WRN: variants seen among roughly 807,000 people sequenced by gnomAD.
WRN encodes the protein WRN RecQ like helicase.
Under a neutral mutation model 180.7 loss-of-function variants are expected in WRN, and 149 were observed. That is an observed-to-expected ratio of 0.82 (90% CI 0.72 to 0.94). The LOEUF is 0.94. WRN is among the 40% of genes least tolerant of loss of function. WRN has a pLI of 0.00. For missense variants in WRN, 1,661 were observed against 1,700.1 expected (o/e 0.98, Z 0.40); for synonymous variants, 548 against 568.9 (o/e 0.96, Z 0.52).
At chr8:31,143,472 A>AT (rs1284549826) in intron 27 of WRN, 78 bp from the exon 28 acceptor site, 2 of 1,007,038 alleles carry the variant, frequency 2.0e-6, no homozygotes, top group Admixed American at 2.2e-5. Flanking sequence ...TGATTTTGAG[A>AT]TTTTTGTTTC....
At position 31,173,918 on chromosome 8, in the gene WRN, C is replaced by CT. The variant is rs1300832103; in HGVS notation, c.*819dup. ...AGTTGGGTAAACGATGATTATTTAA[C>CT]TTTAAGCAGTTCACCATCCATTTCA... On this transcript the variant is annotated 3_prime_UTR_variant, in exon 35 of 35. Transcript: ENST00000298139. 2 of 152,172 alleles carry CT rather than the reference C, an allele frequency of 1.3e-5. No homozygotes were observed. The highest frequency in any genetic ancestry group is 2.9e-5 in the Non-Finnish European group (2 of 68,036). 9.4% of individuals were successfully genotyped at this position (152,172 alleles called of 1,614,324 possible). A position where few individuals can be genotyped will look rare whatever the true frequency, so the allele number is the denominator to read the frequency against.
Position 31,166,034 on chromosome 8 carries a change from TTTTTG to T in WRN, c.3983-968_3983-964del, listed in dbSNP as rs569639841. On this transcript the variant is annotated intron_variant, in intron 33 of 34. Transcript: ENST00000298139. ...TAGCTGTGTAACTTTCTCTTCCTGTTTTTTGTTTTGTTTTGTTTTGTTTTTTGCTT... is the reference window on the plus strand; with the variant it reads ...TAGCTGTGTAACTTTCTCTTCCTGTTTTTTGTTTTGTTTTGTTTTTTGCTT... 5.9e-5 allele frequency among the ~76,000 whole-genome samples: 9 copies of T among 152,234 alleles called. No homozygotes were observed. In the East Asian group the frequency reaches 1.2e-3, roughly 20 times the overall value.
chr8:31,070,906 T>G (rs1279276241), intron 7 of WRN, among the ~76,000 whole-genome samples: 1 of 151,834 alleles, frequency 6.6e-6, no homozygotes, highest in Non-Finnish European at 1.5e-5. Flanking sequence ...ATTAGCTGAG[T>G]GTGGTGACGG....
chr8:31,064,433 AGGT>A lies in WRN; in HGVS notation c.355_355+2del. ...ACTTGTTCCACGTTTCTTCCATGTC[AGGT>A]TGGTATCTCTACATTTCATTTTTAT... On this transcript the variant is annotated splice_donor_variant and coding_sequence_variant, in exon 4 of 35. Coordinates refer to ENST00000298139, the MANE Select transcript of WRN (RefSeq NM_000553.6). LOFTEE classifies it high-confidence loss of function. 6.2e-7 allele frequency: 1 copy of A among 1,614,088 alleles called. No individual in the cohort carries two copies. The highest frequency in any genetic ancestry group is 1.7e-5 in the Admixed American group (1 of 60,026).
At chr8:31,133,743 A>G (rs1240331352) in intron 24 of WRN, among the ~76,000 whole-genome samples, 2 of 152,224 alleles carry the variant, frequency 1.3e-5, no homozygotes, top group African/African-American at 4.8e-5. Context: ...TGTATTTTTT[A>G]TAACAAGAAT....
intron 24 of WRN, among the ~76,000 whole-genome samples, chr8:31,141,040 G>A (rs561794582): frequency 1.3e-5 from 2 of 152,152 alleles, no homozygotes; most frequent in African/African-American, 2.4e-5. Context: ...CAGGCATGCC[G>A]CATTGCGTTT....
chr8:31,136,197 T>C (rs988035761), intron 24 of WRN, among the ~76,000 whole-genome samples: 4 of 152,164 alleles, frequency 2.6e-5, no homozygotes, highest in Admixed American at 2.0e-4. Flanking sequence ...CTCCCTATGT[T>C]TCCCAGGCTG....
intron 13 of WRN, among the ~76,000 whole-genome samples, 200 bp from the exon 14 acceptor site, chr8:31,090,265 C>T (rs1336742919): frequency 2.0e-5 from 3 of 150,670 alleles, no homozygotes; most frequent in East Asian, 3.9e-4. Flanking sequence ...AATATATATA[C>T]CAAATGGTAG....
chr8:31,065,011 T>G lies in WRN; in HGVS notation c.452T>G (p.Phe151Cys). Residue 151 changes from phenylalanine to cysteine, a missense_variant, in exon 5 of 35, where the codon TTT becomes TGT. Phe to Cys is a radical substitution (Grantham distance 205). Transcript: ENST00000298139. ...GATCAGTGGAAACTTCTACGTGACT[T>G]TGATATCAAATTGAAGAATTTTGTG... Reference protein sequence around the residue: ...EGDQWKLLRDFDIKLKNFVEL... With the variant: ...EGDQWKLLRDCDIKLKNFVEL... The G allele has an allele frequency of 6.2e-7, 1 of 1,613,670 alleles. No individual in the cohort carries two copies. The highest frequency in any genetic ancestry group is 8.5e-7 in the Non-Finnish European group (1 of 1,179,766).
At chr8:31,146,655 T>C (rs1415907314) in intron 28 of WRN, among the ~76,000 whole-genome samples, 1 of 152,236 alleles carries the variant, frequency 6.6e-6, no homozygotes, top group African/African-American at 2.4e-5. Flanking sequence ...GCAAGGATCA[T>C]ACATTGTTTC....
intron 20 of WRN, 39 bp from the exon 21 acceptor site, chr8:31,120,204 T>C (rs183685739): frequency 6.2e-7 from 1 of 1,610,764 alleles, no homozygotes; most frequent in East Asian, 2.2e-5. Flanking sequence ...TTCATTCTGC[T>C]AAATATGTTT....
intron 10 of WRN, 63 bp from the exon 11 acceptor site, chr8:31,085,103 T>G (rs1047219752): frequency 6.5e-7 from 1 of 1,540,080 alleles, no homozygotes; most frequent in African/African-American, 1.4e-5. Flanking sequence ...AGCTTTGTTC[T>G]GCAGAAAAGA....
At chr8:31,107,343 G>A (rs1801136392) in intron 18 of WRN, among the ~76,000 whole-genome samples, 1 of 152,170 alleles carries the variant, frequency 6.6e-6, no homozygotes, top group Non-Finnish European at 1.5e-5. Flanking sequence ...TAGAAGGATT[G>A]TGTTAAAGGA....
chr8:31,075,008 C>CGGTATGACTA (rs2130088856), intron 7 of WRN, among the ~76,000 whole-genome samples: 1 of 152,072 alleles, frequency 6.6e-6, no homozygotes, highest in African/African-American at 2.4e-5. Flanking sequence ...ATAAGGTCAA[C>CGGTATGACTA]GGTATGACTA....
intron 12 of WRN, 127 bp downstream of exon 12, chr8:31,088,047 A>G: frequency 6.7e-7 from 1 of 1,500,228 alleles, no homozygotes; most frequent in East Asian, 2.5e-5. Context: ...TTGGATCCTT[A>G]TAAGCTTTTG....
Position 31,045,744 on chromosome 8 carries a change from G to C in WRN, c.-77+11771G>C, listed in dbSNP as rs184981620. Among the ~76,000 whole-genome samples the C allele has an allele frequency of 1.4e-3, 220 of 152,182 alleles. 1 individual carries two copies. Among genetic ancestry groups the C allele is most frequent in the African/African-American group, 5.1e-3 (213 of 41,530 alleles). ...TGTAGTTTTAAAAGTTTCATATTTA[G>C]TAGGGTGAGTTTTTCCTTGTTGGTC... On this transcript the variant is annotated intron_variant, in intron 1 of 34. Transcript: ENST00000298139.
chr8:31,161,255 CT>C (rs1481872514), intron 33 of WRN, among the ~76,000 whole-genome samples: 1 of 152,132 alleles, frequency 6.6e-6, no homozygotes, highest in Non-Finnish European at 1.5e-5. Flanking sequence ...AATATTGCCT[CT>C]CTTATAGAAT....
chr8:31,077,352 T>C (rs1465814378), intron 8 of WRN, among the ~76,000 whole-genome samples: 1 of 152,074 alleles, frequency 6.6e-6, no homozygotes, highest in African/African-American at 2.4e-5. Context: ...ACCATTATCC[T>C]GCCTCAGCCT....
chr8:31,115,608 A>G (rs767613523), intron 19 of WRN, among the ~76,000 whole-genome samples: 1 of 152,186 alleles, frequency 6.6e-6, no homozygotes, highest in Non-Finnish European at 1.5e-5. Flanking sequence ...ATGCACTTGA[A>G]ATTGATTAAC....
Sources: allele counts gnomAD v4.1 joint callset (sites outside exome capture counted in the v4.1 genomes callset), GRCh38; gene constraint gnomAD v4.1.1; transcripts MANE v1.5; gene names NCBI Gene and HGNC (gene_info 2026-07-23, HGNC 2026-07-21).